ACTN4: variants seen among roughly 807,000 people sequenced by gnomAD.
ACTN4 encodes the protein actinin alpha 4, also known as alpha-actinin-4.
In ACTN4, 18 loss-of-function variants were observed where a neutral mutation model predicts 114.2. That is an observed-to-expected ratio of 0.16 (90% confidence interval 0.11 to 0.23). The LOEUF is 0.23. Among genes scored for constraint, ACTN4 ranks in the 10% least tolerant of loss-of-function variants. The pLI, the probability that ACTN4 is intolerant of heterozygous loss-of-function variation, is 1.00. For missense variants in ACTN4, 722 were observed against 1,262.9 expected (o/e 0.57, Z 6.49); for synonymous variants, 515 against 506.3 (o/e 1.02, Z -0.23).
intron 11 of ACTN4, among the ~76,000 whole-genome samples, chr19:38,719,413 C>T (rs547401998): frequency 1.3e-5 from 2 of 152,388 alleles, no homozygotes; most frequent in African/African-American, 4.8e-5. Flanking sequence ...CACGGCCCAG[C>T]TTGTGCCCTC....
At chr19:38,666,623 C>A (rs1233495081) in intron 1 of ACTN4, among the ~76,000 whole-genome samples, 1 of 152,244 alleles carries the variant, frequency 6.6e-6, no homozygotes, top group Non-Finnish European at 1.5e-5. Context: ...ACGGCTGGGA[C>A]TGTGCATATC....
intron 1 of ACTN4, among the ~76,000 whole-genome samples, chr19:38,662,782 G>T (rs1976927631): frequency 6.6e-6 from 1 of 152,104 alleles, no homozygotes. Flanking sequence ...CTGCAGATAG[G>T]AAAGTCTGTC....
Position 38,718,320 on chromosome 19 carries a change from A to C in ACTN4, c.1291+246A>C, listed in dbSNP as rs1424477100. The C allele has an allele frequency of 4.3e-6, 3 of 696,914 alleles. No individual in the cohort carries two copies. In the Admixed American group the frequency reaches 6.3e-5, roughly 15 times the overall value. 43.2% of individuals were successfully genotyped at this position (696,914 alleles called of 1,614,324 possible). On this transcript the variant is annotated intron_variant, in intron 11 of 20. Coordinates refer to ENST00000252699, the MANE Select transcript of ACTN4 (RefSeq NM_004924.6). ...GGCAGGAGGATCACTTGAGCCCAAG[A>C]GTTTGAGACCAGCCTGGGCAACATA...
chr19:38,656,719 G>A (rs1976721880), intron 1 of ACTN4, among the ~76,000 whole-genome samples: 1 of 152,212 alleles, frequency 6.6e-6, no homozygotes, highest in Admixed American at 6.5e-5. Context: ...TAGCATTTGT[G>A]TCTTCAGCTT....
chr19:38,649,761 C>G (rs1179315236), intron 1 of ACTN4, among the ~76,000 whole-genome samples: 1 of 152,088 alleles, frequency 6.6e-6, no homozygotes, highest in South Asian at 2.1e-4. Flanking sequence ...CACAGGCAGC[C>G]TAGCCCAGGC....
At chr19:38,673,784 A>ATTTTTT (rs58144950) in intron 1 of ACTN4, among the ~76,000 whole-genome samples, 5 of 67,838 alleles carry the variant, frequency 7.4e-5, no homozygotes, top group South Asian at 4.0e-4. Context: ...TATATGTATA[A>ATTTTTT]TTTTTTTTTT....
At position 38,656,459 on chromosome 19, in the gene ACTN4, C is replaced by T. The variant is rs542784290; in HGVS notation, c.162+8552C>T. 2.6e-5 allele frequency among the ~76,000 whole-genome samples: 4 copies of T among 152,340 alleles called. No individual in the cohort carries two copies. The South Asian group carries it at 6.2e-4, about 24-fold the overall frequency. On this transcript the variant is annotated intron_variant, in intron 1 of 20. Coordinates refer to ENST00000252699, the MANE Select transcript of ACTN4 (RefSeq NM_004924.6). ...AGAAAGCACACTGCCACCCCTTCAT[C>T]GGATTTGAACCCTACATTTTGAAAG...
intron 19 of ACTN4, chr19:38,728,249 C>T (rs1969314636): frequency 6.7e-7 from 1 of 1,499,474 alleles, no homozygotes; most frequent in Non-Finnish European, 9.0e-7. Flanking sequence ...CTGCTGTGCA[C>T]ATGGGGCGGC....
At chr19:38,723,184 G>T (rs556858548) in intron 12 of ACTN4, among the ~76,000 whole-genome samples, 1 of 152,330 alleles carries the variant, frequency 6.6e-6, no homozygotes, top group South Asian at 2.1e-4. Flanking sequence ...CAGCCCTACT[G>T]TGGAGCACAG....
rs752982119 is a variant in ACTN4, at chr19:38,729,093, C to A, written c.2516C>A (p.Thr839Asn). 2.5e-6 allele frequency: 4 copies of A among 1,613,332 alleles called. No homozygotes were observed. In the African/African-American group the frequency reaches 5.3e-5, roughly 22 times the overall value. ...TTCATCGACTTCATGTCGCGGGAGACCACCGACACGGACACGGCTGACCAG... is the reference window on the plus strand; with the variant it reads ...TTCATCGACTTCATGTCGCGGGAGAACACCGACACGGACACGGCTGACCAG... The part of the protein sequence containing the change: ...QAFIDFMSRE[T>N]TDTDTADQVI... The change falls in exon 20 of 21, where the codon ACC (threonine) becomes AAC (asparagine). Residue 839 changes from threonine (T) to asparagine (N), a missense_variant. Around this residue, in one of 3 missense-constraint regions of ACTN4, gnomAD observed 523 missense variants for 875.9 expected, o/e 0.60. Coordinates refer to ENST00000252699, the MANE Select transcript of ACTN4 (RefSeq NM_004924.6).
At chr19:38,718,852 C>A (rs1291202133) in intron 11 of ACTN4, among the ~76,000 whole-genome samples, 1 of 152,224 alleles carries the variant, frequency 6.6e-6, no homozygotes, top group Non-Finnish European at 1.5e-5. Context: ...GCTGGGGAGC[C>A]CATGTTCACT....
chr19:38,653,605 G>A (rs561581023), intron 1 of ACTN4, among the ~76,000 whole-genome samples: 2 of 152,034 alleles, frequency 1.3e-5, no homozygotes, highest in South Asian at 4.2e-4. Flanking sequence ...TGTTTTCCCC[G>A]GCTTTATCTT....
At chr19:38,716,133 G>GACCTCAGGTGATCCACTC (rs1353211156) in intron 9 of ACTN4, among the ~76,000 whole-genome samples, 2 of 152,110 alleles carry the variant, frequency 1.3e-5, no homozygotes, top group Non-Finnish European at 2.9e-5. Flanking sequence ...TTGAACTCCT[G>GACCTCAGGTGATCCACTC]ACCTCAGGTG....
chr19:38,723,907 G>GTCCCTGCCCCCT (rs756809040), intron 13 of ACTN4, 30 bp from the exon 14 acceptor site: 1 of 1,605,868 alleles, frequency 6.2e-7, no homozygotes, highest in South Asian at 1.1e-5. Flanking sequence ...CCTTCCCTCT[G>GTCCCTGCCCCCT]TCCCTGCCCC....
chr19:38,650,834 C>G (rs912506805), intron 1 of ACTN4, among the ~76,000 whole-genome samples: 2 of 152,104 alleles, frequency 1.3e-5, no homozygotes, highest in Non-Finnish European at 2.9e-5. Flanking sequence ...CTCCCGGGTT[C>G]AAGCGATTCT....
chr19:38,673,132 A>G (rs908145535), intron 1 of ACTN4, among the ~76,000 whole-genome samples: 4 of 146,314 alleles, frequency 2.7e-5, no homozygotes, highest in Non-Finnish European at 4.5e-5. Flanking sequence ...TAATAGAGAC[A>G]GGGTTTTATC....
chr19:38,666,903 A>G (rs1966979177), intron 1 of ACTN4, among the ~76,000 whole-genome samples: 1 of 152,140 alleles, frequency 6.6e-6, no homozygotes, highest in South Asian at 2.1e-4. Flanking sequence ...TTGTTTTGGA[A>G]GGTCAAGCTT....
At position 38,723,947 on chromosome 19, in the gene ACTN4, A is replaced by G; in HGVS notation, c.1562A>G (p.Lys521Arg). 6.2e-7 allele frequency: 1 copy of G among 1,613,404 alleles called. No homozygotes were observed. Among genetic ancestry groups the G allele is most frequent in the Non-Finnish European group, 8.5e-7 (1 of 1,179,968 alleles). ...CCTCCCACACACTAGAAAACAGAGA[A>G]GCAGCTGGAGGCCATCGACCAGCTG... ...SRREALEKTE[K>R]QLEAIDQLHL... The change falls in exon 14 of 21, where the codon AAG becomes AGG. Residue 521 changes from lysine to arginine, a missense_variant. By Grantham distance (26) the Lys-to-Arg change is conservative (BLOSUM62 2). Coordinates refer to ENST00000252699, the MANE Select transcript of ACTN4 (RefSeq NM_004924.6).
intron 6 of ACTN4, among the ~76,000 whole-genome samples, chr19:38,708,561 A>G (rs1312911322): frequency 1.3e-5 from 2 of 152,164 alleles, no homozygotes; most frequent in Non-Finnish European, 2.9e-5. Context: ...CCACAAGCCC[A>G]TGTTGCCCAT....
Sources: allele counts gnomAD v4.1 joint callset (sites outside exome capture counted in the v4.1 genomes callset), GRCh38; gene constraint gnomAD v4.1.1; regional missense constraint gnomAD v4.1.1; transcripts MANE v1.5; gene names NCBI Gene and HGNC (gene_info 2026-07-23, HGNC 2026-07-21).